CELF5: variants seen among roughly 807,000 people sequenced by gnomAD.
CELF5 encodes CUG-BP and ETR-3 like factor 5.
CELF5 carries 6 observed loss-of-function variants against 54.9 expected under a neutral mutation model. That is an observed-to-expected ratio of 0.11 (90% CI 0.06 to 0.22). CELF5 has a LOEUF of 0.22. Among genes scored for constraint, CELF5 ranks in the 10% least tolerant of loss-of-function variants. The pLI, the probability that CELF5 is intolerant of heterozygous loss-of-function variation, is 1.00. For missense variants in CELF5, 401 were observed against 678.6 expected, an observed-to-expected ratio of 0.59 and a Z score of 4.54; for synonymous variants, 271 against 290.9, an observed-to-expected ratio of 0.93 and a Z score of 0.70.
At chr19:3,263,502 A>G (rs991285026) in intron 2 of CELF5, among the ~76,000 whole-genome samples, 1 of 149,340 alleles carries the variant, frequency 6.7e-6, no homozygotes, top group African/African-American at 2.5e-5. Context: ...CGGAGGTTGC[A>G]GTGAGCCGAG....
At chr19:3,293,161 G>A (rs1323209111) in intron 11 of CELF5, among the ~76,000 whole-genome samples, 158 bp from the exon 12 acceptor site, 1 of 152,074 alleles carries the variant, frequency 6.6e-6, no homozygotes, top group Non-Finnish European at 1.5e-5. Context: ...ACAAAGCCAG[G>A]GCTGCTGTGT....
At position 3,256,064 on chromosome 19, in the gene CELF5, C is replaced by CAAAAAAAAAAAAAAA. The variant is rs1555720976; in HGVS notation, c.342+5006_342+5007insAAAAAAAAAAAAAAA. ...TGGGTGACAGAACAAGACCCTGTCT[C>CAAAAAAAAAAAAAAA]AAAAAAAAAGGAAAGGTGCGAAGTG... On this transcript the variant is annotated intron_variant, in intron 2 of 12. Coordinates refer to ENST00000292672, the MANE Select transcript of CELF5 (RefSeq NM_021938.4). Among the ~76,000 whole-genome samples the CAAAAAAAAAAAAAAA allele has an allele frequency of 9.7e-4, 136 of 139,532 alleles. 1 individual carries two copies. Among genetic ancestry groups the CAAAAAAAAAAAAAAA allele is most frequent in the African/African-American group, 3.5e-3 (130 of 37,214 alleles). 91.5% of individuals were successfully genotyped at this position (139,532 alleles called of 152,430 possible).
chr19:3,227,791 T>G (rs541471891), intron 1 of CELF5, among the ~76,000 whole-genome samples: 12 of 152,094 alleles, frequency 7.9e-5, no homozygotes, highest in African/African-American at 2.7e-4. Flanking sequence ...AGGCCCCCAT[T>G]ACCCCCCCTG....
At chr19:3,251,746 T>C (rs1313645297) in intron 2 of CELF5, among the ~76,000 whole-genome samples, 1 of 148,362 alleles carries the variant, frequency 6.7e-6, no homozygotes, top group Non-Finnish European at 1.5e-5. Flanking sequence ...ATGATCTCGG[T>C]TCACTGCAAC....
At chr19:3,229,879 G>A (rs1230654846) in intron 1 of CELF5, among the ~76,000 whole-genome samples, 1 of 152,104 alleles carries the variant, frequency 6.6e-6, no homozygotes, top group Non-Finnish European at 1.5e-5. Context: ...TTTTTGCCCT[G>A]GTAGGAAAGG....
Position 3,282,628 on chromosome 19 carries a change from G to C in CELF5, c.1039+130G>C. ...GGGCAGGAAAAAGGGTGTCTCCGCT[G>C]AGCAGATAAGAGCTGTGGACACAGG... On this transcript the variant is annotated intron_variant, in intron 8 of 12. Coordinates refer to ENST00000292672, the MANE Select transcript of CELF5 (RefSeq NM_021938.4). The surrounding 1 kb of genome is among the most constrained non-coding windows in gnomAD (Gnocchi z 5.2). 1.0e-6 allele frequency: 1 copy of C among 1,000,848 alleles called. No homozygotes were observed. Among genetic ancestry groups the C allele is most frequent in the Non-Finnish European group, 1.4e-6 (1 of 692,368 alleles). 62.0% of individuals were successfully genotyped at this position (1,000,848 alleles called of 1,614,324 possible). A position where few individuals can be genotyped will look rare whatever the true frequency, so the allele number is the denominator to read the frequency against.
intron 4 of CELF5, 85 bp downstream of exon 4, chr19:3,276,069 G>T (rs985728594): frequency 1.6e-6 from 1 of 632,500 alleles, no homozygotes; most frequent in African/African-American, 2.0e-5. Flanking sequence ...GGGGCCTGCA[G>T]CATGGGGAGG....
chr19:3,278,113 G>A lies in CELF5; in HGVS notation c.603+3G>A, dbSNP rs368131598. The A allele has an allele frequency of 3.6e-5, 55 of 1,539,706 alleles. No individual in the cohort carries two copies. The African/African-American group carries it at 6.7e-4, about 19-fold the overall frequency. ...TGCATGGGAGCCAGACCATGCCGGT[G>A]AGTTGGAGCTGCCCTTGGCCGTGGG... On this transcript the variant is annotated splice_donor_region_variant and intron_variant, in intron 5 of 12. Transcript: ENST00000292672. The surrounding 1 kb of genome is among the most constrained non-coding windows in gnomAD (Gnocchi z 4.5).
chr19:3,231,559 G>A (rs1917259842), intron 1 of CELF5, among the ~76,000 whole-genome samples: 1 of 150,640 alleles, frequency 6.6e-6, no homozygotes, highest in Admixed American at 6.6e-5. Context: ...GTAGATGGGT[G>A]GGTGGATGGA....
rs1555720976 is a variant in CELF5 at position 3,256,064 on chromosome 19, C to CAAAAAAAAAAAAAA, written c.342+5006_342+5007insAAAAAAAAAAAAAA. 1.4e-3 allele frequency among the ~76,000 whole-genome samples: 191 copies of CAAAAAAAAAAAAAA among 139,520 alleles called. 2 individuals are homozygous for CAAAAAAAAAAAAAA. The highest frequency in any genetic ancestry group is 4.9e-3 in the African/African-American group (182 of 37,198). The allele number at this position is 139,520 out of a possible 152,430, so 91.5% of individuals were successfully genotyped here. ...TGGGTGACAGAACAAGACCCTGTCT[C>CAAAAAAAAAAAAAA]AAAAAAAAAGGAAAGGTGCGAAGTG... is the stretch of plus-strand genomic sequence containing the variant. On this transcript the variant is annotated intron_variant, in intron 2 of 12. Coordinates refer to ENST00000292672, the MANE Select transcript of CELF5 (RefSeq NM_021938.4).
At chr19:3,285,832 T>A in intron 9 of CELF5, 110 bp from the exon 10 acceptor site, 2 of 194,980 alleles carry the variant, frequency 1.0e-5, no homozygotes, top group Non-Finnish European at 8.4e-6. Flanking sequence ...CACCCACTCC[T>A]GCCTTGGCCC....
chr19:3,248,000 G>T (rs2079591450), intron 1 of CELF5, among the ~76,000 whole-genome samples: 1 of 151,622 alleles, frequency 6.6e-6, no homozygotes. Context: ...CCTGACCTCA[G>T]ATGATCCACC....
chr19:3,284,986 C>T, intron 9 of CELF5, 22 bp downstream of exon 9: 2 of 1,590,768 alleles, frequency 1.3e-6, no homozygotes, highest in Non-Finnish European at 8.6e-7. Flanking sequence ...CCCGCGTGCC[C>T]GCGCTGGGCC....
At chr19:3,225,073 C>T in intron 1 of CELF5, 75 bp downstream of exon 1, 1 of 1,044,850 alleles carries the variant, frequency 9.6e-7, no homozygotes, top group Admixed American at 2.4e-5. Flanking sequence ...TTCTCTCCCC[C>T]ATCACCATCC....
chr19:3,275,762 C>A lies in CELF5; in HGVS notation c.395-94C>A. 2 of 1,390,650 alleles carry A rather than the reference C, an allele frequency of 1.4e-6. No homozygotes were observed. The highest frequency in any genetic ancestry group is 1.4e-5 in the South Asian group (1 of 72,102). The allele number at this position is 1,390,650 out of a possible 1,614,324, so 86.1% of individuals were successfully genotyped here. On this transcript the variant is annotated intron_variant, in intron 3 of 12. Transcript: ENST00000292672. This position sits in a 1 kb window ranked among gnomAD's most constrained non-coding sequence, Gnocchi z 6.7. ...AGGGCCCGGGCGCCGCGTCTTCCTG[C>A]CCTGCCGCCTCCACTCTGCTGGAGG...
At chr19:3,289,075 T>C (rs115942805) in intron 10 of CELF5, among the ~76,000 whole-genome samples, 2,264 of 152,248 alleles carry the variant, frequency 0.015, 66 homozygotes, top group African/African-American at 0.052. Flanking sequence ...TTAAAAATAA[T>C]TATTTATGGT....
rs778927184 is a variant in CELF5 at position 3,290,400 on chromosome 19, C to T, written c.1330+26C>T. 5 of 1,611,080 alleles carry T rather than the reference C, an allele frequency of 3.1e-6. 1 individual carries two copies. The South Asian group carries it at 5.5e-5, about 18-fold the overall frequency. The stretch of plus-strand genomic sequence containing the variant: ...GTGAGTGGCCGCCGACGCCACCCCT[C>T]CCCATCCACCTCCCTCGCCTGCCCC... On this transcript the variant is annotated intron_variant, in intron 11 of 12. Coordinates refer to ENST00000292672, the MANE Select transcript of CELF5 (RefSeq NM_021938.4).
intron 2 of CELF5, among the ~76,000 whole-genome samples, chr19:3,261,585 T>C (rs976504928): frequency 3.3e-5 from 5 of 152,104 alleles, no homozygotes; most frequent in Non-Finnish European, 7.4e-5. Context: ...TTTGGGAGGC[T>C]GAGGTAGGAG....
At chr19:3,273,414 C>G in intron 2 of CELF5, among the ~76,000 whole-genome samples, 1 of 151,986 alleles carries the variant, frequency 6.6e-6, no homozygotes, top group Non-Finnish European at 1.5e-5. Flanking sequence ...CTGGCAGTCT[C>G]AGAGTTCCAA....
Sources: allele counts gnomAD v4.1 joint callset (sites outside exome capture counted in the v4.1 genomes callset), GRCh38; gene constraint gnomAD v4.1.1; non-coding constraint Gnocchi (gnomAD v3.1); transcripts MANE v1.5; gene names NCBI Gene and HGNC (gene_info 2026-07-23, HGNC 2026-07-21).